Variants in SLC4A10 observed in about 807,000 individuals in gnomAD.
SLC4A10 encodes the protein solute carrier family 4 member 10.
In SLC4A10, 42 loss-of-function variants were observed where a neutral mutation model predicts 137.7. That is an observed-to-expected ratio of 0.30 (90% CI 0.24 to 0.39). SLC4A10 has a LOEUF of 0.39. Ranked by LOEUF, SLC4A10 falls within the 10% of genes least tolerant of loss-of-function variation. The pLI is 1.00. For missense variants in SLC4A10, 925 were observed against 1,355.0 expected (o/e 0.68, Z 4.98); for synonymous variants, 474 against 464.1 (o/e 1.02, Z -0.27).
At chr2:161,967,438 T>C (rs1697796302) in intron 23 of SLC4A10, among the ~76,000 whole-genome samples, 1 of 152,176 alleles carries the variant, frequency 6.6e-6, no homozygotes, top group South Asian at 2.1e-4. Context: ...ATTCATCAAG[T>C]ATACGATAAT....
intron 4 of SLC4A10, 63 bp downstream of exon 4, chr2:161,839,990 A>G: frequency 6.3e-7 from 1 of 1,588,700 alleles, no homozygotes. Flanking sequence ...AGAAAAAGAG[A>G]TTTCTAATGC....
At chr2:161,768,623 C>CT (rs1310000906) in intron 1 of SLC4A10, among the ~76,000 whole-genome samples, 5 of 151,860 alleles carry the variant, frequency 3.3e-5, no homozygotes, top group Admixed American at 6.6e-5. Context: ...AGAACCTGAC[C>CT]TTTTTTCTTC....
intron 1 of SLC4A10, among the ~76,000 whole-genome samples, chr2:161,655,958 C>A (rs535574689): frequency 6.6e-6 from 1 of 151,506 alleles, no homozygotes; most frequent in East Asian, 1.9e-4. Context: ...GGATTACAGG[C>A]GTGTGCTACC....
chr2:161,795,444 A>C (rs1393181374), intron 2 of SLC4A10, among the ~76,000 whole-genome samples: 1 of 152,102 alleles, frequency 6.6e-6, no homozygotes, highest in East Asian at 1.9e-4. Context: ...ATACAACTCA[A>C]TGAGTTTGGA....
At chr2:161,756,676 A>G (rs2049685876) in intron 1 of SLC4A10, among the ~76,000 whole-genome samples, 1 of 152,134 alleles carries the variant, frequency 6.6e-6, no homozygotes, top group Admixed American at 6.6e-5. Context: ...ACTTTGGCCC[A>G]GATGTTACAT....
chr2:161,844,053 T>C (rs1168012821), intron 4 of SLC4A10, among the ~76,000 whole-genome samples: 1 of 152,142 alleles, frequency 6.6e-6, no homozygotes, highest in African/African-American at 2.4e-5. Flanking sequence ...AAATAACATG[T>C]AATGTTATTA....
chr2:161,692,243 G>T (rs973077019), intron 1 of SLC4A10, among the ~76,000 whole-genome samples: 1 of 151,944 alleles, frequency 6.6e-6, no homozygotes, highest in South Asian at 2.1e-4. Context: ...ATTTTTAAGA[G>T]ATTAAAAATT....
intron 1 of SLC4A10, among the ~76,000 whole-genome samples, chr2:161,708,295 A>T (rs527341747): frequency 1.2e-4 from 18 of 151,636 alleles, no homozygotes; most frequent in African/African-American, 3.9e-4. Flanking sequence ...CCTAAAGCTT[A>T]GTCACATATA....
rs911587683 is a variant in SLC4A10, at chr2:161,984,498, T to C, written c.*1346T>C. 6.6e-6 allele frequency: 1 copy of C among 152,148 alleles called. No homozygotes were observed. Among genetic ancestry groups the C allele is most frequent in the Non-Finnish European group, 1.5e-5 (1 of 67,988 alleles). The allele number at this position is 152,148 out of a possible 1,614,324, so 9.4% of individuals were successfully genotyped here. A position where few individuals can be genotyped will look rare whatever the true frequency, so the allele number is the denominator to read the frequency against. On this transcript the variant is annotated 3_prime_UTR_variant, in exon 27 of 27. Transcript: ENST00000446997. ...AATACTCCAATATTCCGTTTTATAA[T>C]AATTCAGAGCCCTGTGGCTTTTACA...
chr2:161,785,736 C>G (rs1018300898), intron 2 of SLC4A10, among the ~76,000 whole-genome samples: 4 of 151,864 alleles, frequency 2.6e-5, no homozygotes, highest in Non-Finnish European at 5.9e-5. Context: ...TTACATCATA[C>G]TCAATGATGA....
At chr2:161,854,507 A>C (rs1299928928) in intron 4 of SLC4A10, among the ~76,000 whole-genome samples, 1 of 152,272 alleles carries the variant, frequency 6.6e-6, no homozygotes, top group East Asian at 1.9e-4. Flanking sequence ...ACAGGCCCCT[A>C]ATTATGCTAG....
At chr2:161,692,794 T>G (rs750208586) in intron 1 of SLC4A10, among the ~76,000 whole-genome samples, 50 of 152,092 alleles carry the variant, frequency 3.3e-4, no homozygotes, top group Admixed American at 8.5e-4. Flanking sequence ...GTTTAAATTT[T>G]AACTAACTCG....
chr2:161,828,808 A>ATATATATG (rs1221709021), intron 3 of SLC4A10, among the ~76,000 whole-genome samples: 13 of 122,524 alleles, frequency 1.1e-4, no homozygotes, highest in African/African-American at 3.7e-4. Flanking sequence ...ATATATATAT[A>ATATATATG]TGTATAATCT....
chr2:161,758,665 T>C (rs191022417), intron 1 of SLC4A10, among the ~76,000 whole-genome samples: 63 of 152,122 alleles, frequency 4.1e-4, no homozygotes, highest in African/African-American at 1.4e-3. Flanking sequence ...TATTCTGATA[T>C]TGTAGATTAT....
chr2:161,930,301 A>AGAACAAAAATCTCTCCTACC (rs1690101848), intron 15 of SLC4A10, among the ~76,000 whole-genome samples: 1 of 152,158 alleles, frequency 6.6e-6, no homozygotes, highest in Admixed American at 6.5e-5. Context: ...TTCTTTAAAC[A>AGAACAAAAATCTCTCCTACC]GAACAAAAAT....
At chr2:161,764,437 G>T (rs190728635) in intron 1 of SLC4A10, among the ~76,000 whole-genome samples, 68 of 152,092 alleles carry the variant, frequency 4.5e-4, no homozygotes, top group African/African-American at 1.5e-3. Context: ...GTTGAAGAAA[G>T]AATTCAGAAT....
At chr2:161,879,744 C>T (rs1026540705) in intron 9 of SLC4A10, among the ~76,000 whole-genome samples, 9 of 151,972 alleles carry the variant, frequency 5.9e-5, no homozygotes, top group South Asian at 2.1e-4. Context: ...TAAGTGCCAT[C>T]GTTAGGATAG....
intron 10 of SLC4A10, among the ~76,000 whole-genome samples, chr2:161,891,274 T>C (rs1408828195): frequency 2.6e-5 from 4 of 152,102 alleles, no homozygotes; most frequent in Non-Finnish European, 5.9e-5. Context: ...TTTTGTGTTT[T>C]GGGGTTTCTC....
intron 1 of SLC4A10, among the ~76,000 whole-genome samples, chr2:161,734,063 G>A (rs551308680): frequency 4.6e-5 from 7 of 152,276 alleles, no homozygotes; most frequent in Non-Finnish European, 8.8e-5. Context: ...ATAAGCAGAA[G>A]GTACTTGCCT....
Sources: gnomAD v4.1 joint callset for allele counts (sites outside exome capture counted in the v4.1 genomes callset) on GRCh38, gnomAD v4.1.1 for gene constraint, MANE v1.5 for transcripts, NCBI Gene and HGNC (gene_info 2026-07-23, HGNC 2026-07-21) for gene names.